CNTNAP4: variants seen among roughly 807,000 people sequenced by gnomAD.
The protein encoded by CNTNAP4 is contactin-associated protein-like 4.
In CNTNAP4, 98 loss-of-function variants were observed where a neutral mutation model predicts 148.4. The observed-to-expected ratio is 0.66, with a 90% CI of 0.56 to 0.78. The LOEUF (loss-of-function observed/expected upper bound fraction) is 0.78. Among genes scored for constraint, CNTNAP4 ranks in the 30% least tolerant of loss-of-function variants. The pLI is 0.00. For missense variants in CNTNAP4, 1,935 were observed against 1,565.6 expected (o/e 1.24, Z -3.98); for synonymous variants, 730 against 565.1 (o/e 1.29, Z -4.14).
At chr16:76,555,530 T>C (rs530901193) in intron 23 of CNTNAP4, among the ~76,000 whole-genome samples, 14 of 152,320 alleles carry the variant, frequency 9.2e-5, no homozygotes, top group Middle Eastern at 3.4e-3. Context: ...ATATTGCTTT[T>C]TCCAGACATT....
chr16:76,371,586 G>T (rs1396056800), intron 3 of CNTNAP4, among the ~76,000 whole-genome samples: 1 of 152,146 alleles, frequency 6.6e-6, no homozygotes, highest in Non-Finnish European at 1.5e-5. Context: ...CACCTGGCCT[G>T]TTGTCACTTC....
At chr16:76,283,011 C>A (rs1446354349) in intron 1 of CNTNAP4, among the ~76,000 whole-genome samples, 1 of 151,708 alleles carries the variant, frequency 6.6e-6, no homozygotes, top group African/African-American at 2.4e-5. Flanking sequence ...AACCCCCCCA[C>A]CAAAAAAACT....
At chr16:76,399,633 G>A (rs1357119097) in intron 3 of CNTNAP4, among the ~76,000 whole-genome samples, 6 of 152,132 alleles carry the variant, frequency 3.9e-5, no homozygotes, top group African/African-American at 1.2e-4. Context: ...TTAAAAAAGA[G>A]TATCTTTTGC....
intron 19 of CNTNAP4, 110 bp from the exon 20 acceptor site, chr16:76,539,609 T>G: frequency 1.1e-6 from 1 of 920,578 alleles, no homozygotes; most frequent in Non-Finnish European, 1.6e-6. Flanking sequence ...TATCTTCCAA[T>G]TTTTCCCTCG....
chr16:76,442,193 T>C (rs1034571012), intron 4 of CNTNAP4, among the ~76,000 whole-genome samples: 11 of 152,190 alleles, frequency 7.2e-5, no homozygotes, highest in African/African-American at 2.4e-4. Context: ...TTGAAGATGC[T>C]GTGACACTGG....
chr16:76,450,185 T>C (rs1477970302), intron 7 of CNTNAP4, among the ~76,000 whole-genome samples: 1 of 152,162 alleles, frequency 6.6e-6, no homozygotes, highest in Non-Finnish European at 1.5e-5. Flanking sequence ...AGTCTCACTC[T>C]GTCACCCAGG....
At chr16:76,313,666 C>G (rs924863826) in intron 1 of CNTNAP4, among the ~76,000 whole-genome samples, 1 of 152,124 alleles carries the variant, frequency 6.6e-6, no homozygotes, top group African/African-American at 2.4e-5. Flanking sequence ...AAAAAGTAGA[C>G]TTTGAATGAA....
At chr16:76,334,527 A>C (rs1000247672) in intron 2 of CNTNAP4, among the ~76,000 whole-genome samples, 1 of 152,186 alleles carries the variant, frequency 6.6e-6, no homozygotes, top group African/African-American at 2.4e-5. Flanking sequence ...ACAAAACTCT[A>C]ATACTACAGT....
At position 76,305,650 on chromosome 16, in the gene CNTNAP4, T is replaced by C. The variant is rs76277997; in HGVS notation, c.86-10763T>C. Among the ~76,000 whole-genome samples, 586 of 152,296 alleles carry C rather than the reference T, an allele frequency of 3.8e-3. 5 individuals carry two copies. The highest frequency in any genetic ancestry group is 0.013 in the African/African-American group (554 of 41,570). ...GAAGGAACTGAGGGTGTCCAGAGCCTGGCAGTCTGGCAAGACCCATCATTC... is the reference window on the plus strand; with the variant it reads ...GAAGGAACTGAGGGTGTCCAGAGCCCGGCAGTCTGGCAAGACCCATCATTC... On this transcript the variant is annotated intron_variant, in intron 1 of 23. Transcript: ENST00000611870.
At chr16:76,462,336 G>A (rs372361572) in intron 9 of CNTNAP4, among the ~76,000 whole-genome samples, 42 of 152,136 alleles carry the variant, frequency 2.8e-4, no homozygotes, top group African/African-American at 9.4e-4. Flanking sequence ...TTGATTTTAA[G>A]TAGGCTGTCC....
At chr16:76,527,841 A>G (rs2083806631) in intron 17 of CNTNAP4, among the ~76,000 whole-genome samples, 1 of 152,148 alleles carries the variant, frequency 6.6e-6, no homozygotes, top group African/African-American at 2.4e-5. Flanking sequence ...CATGTTGTAA[A>G]CCTCAAATAT....
rs1473743617 is a variant in CNTNAP4 at position 76,312,648 on chromosome 16, T to G, written c.86-3765T>G. Among the ~76,000 whole-genome samples, 3 of 152,272 alleles carry G rather than the reference T, an allele frequency of 2.0e-5. No individual in the cohort carries two copies. The East Asian group carries it at 5.8e-4, about 29-fold the overall frequency. ...AGAATTTGTTCATGCTATTATGGTG[T>G]CTGATGGAACTCCTACACTTCAAAC... On this transcript the variant is annotated intron_variant, in intron 1 of 23. Transcript: ENST00000611870.
intron 3 of CNTNAP4, among the ~76,000 whole-genome samples, chr16:76,385,429 A>C (rs1208677363): frequency 3.3e-5 from 5 of 152,184 alleles, no homozygotes; most frequent in African/African-American, 1.2e-4. Context: ...AAAAATACAG[A>C]GAAAATATAA....
intron 2 of CNTNAP4, among the ~76,000 whole-genome samples, chr16:76,327,261 G>A (rs1023952058): frequency 2.0e-4 from 31 of 152,048 alleles, no homozygotes; most frequent in African/African-American, 6.3e-4. Context: ...AGGTCCATAC[G>A]CTCCCAATAT....
At chr16:76,522,686 C>T (rs1568496699) in intron 17 of CNTNAP4, among the ~76,000 whole-genome samples, 1,525 of 79,600 alleles carry the variant, frequency 0.019, 181 homozygotes, top group Middle Eastern at 0.051. Flanking sequence ...CTCTTTCTCT[C>T]CTTTCTTTTC....
rs2144292697 is a variant in CNTNAP4 at position 76,540,714 on chromosome 16, T to A, written c.3366T>A (p.Asn1122Lys). 1 of 1,567,724 alleles carries A rather than the reference T, an allele frequency of 6.4e-7. No homozygotes were observed. Among genetic ancestry groups the A allele is most frequent in the East Asian group, 2.3e-5 (1 of 43,026 alleles). ...TAATAATTTTGTAGATTGACGATAA[T>A]AGAAGGAGACAAGTTCACCTGTCAT... is the stretch of plus-strand genomic sequence containing the variant. Reference protein sequence around the residue: ...EGVVFIEIDDNRRRQVHLSSG... With the variant: ...EGVVFIEIDDKRRRQVHLSSG... Residue 1122 changes from asparagine to lysine, a missense_variant, in exon 21 of 24, where the codon AAT (asparagine) becomes AAA (lysine). By Grantham distance (94) the Asn-to-Lys change is moderately conservative. Transcript: ENST00000611870.
chr16:76,462,910 A>G (rs1284625356), intron 9 of CNTNAP4, among the ~76,000 whole-genome samples: 2 of 152,156 alleles, frequency 1.3e-5, no homozygotes, highest in Admixed American at 1.3e-4. Flanking sequence ...TCATTTTTGC[A>G]TTTGATAGAG....
chr16:76,409,767 G>A (rs746938923), intron 3 of CNTNAP4, among the ~76,000 whole-genome samples: 23 of 151,832 alleles, frequency 1.5e-4, no homozygotes, highest in Non-Finnish European at 4.4e-5. Context: ...CATATAGAGA[G>A]GCGTTGCTAT....
At chr16:76,469,499 C>T (rs920689257) in intron 10 of CNTNAP4, 1 of 152,240 alleles carries the variant, frequency 6.6e-6, no homozygotes, top group Non-Finnish European at 1.5e-5. Context: ...CAGGGAGAGG[C>T]TCAGTCACGC....
Sources: gnomAD v4.1 joint callset for allele counts (sites outside exome capture counted in the v4.1 genomes callset) on GRCh38, gnomAD v4.1.1 for gene constraint, MANE v1.5 for transcripts, NCBI Gene and HGNC (gene_info 2026-07-23, HGNC 2026-07-21) for gene names.